The following NIPBL variants were observed in gnomAD, a reference collection of about 807,000 sequenced individuals.
The protein encoded by NIPBL is nipped-B-like protein.
In NIPBL, 19 loss-of-function variants were observed where a neutral mutation model predicts 321.8. The ratio of observed to expected loss-of-function variants is 0.06; its 90% CI spans 0.04 to 0.09. The LOEUF (loss-of-function observed/expected upper bound fraction) is 0.09, where lower values mean the gene tolerates loss of function less well. Among genes scored for constraint, NIPBL ranks in the 10% least tolerant of loss-of-function variants. NIPBL has a pLI of 1.00. For missense variants in NIPBL, 2,210 were observed against 3,327.0 expected, an observed-to-expected ratio of 0.66 and a Z score of 8.26; for synonymous variants, 1,106 against 1,114.1, an observed-to-expected ratio of 0.99 and a Z score of 0.14.
chr5:37,003,531 C>G (rs1221880178), intron 16 of NIPBL, among the ~76,000 whole-genome samples, 184 bp downstream of exon 16: 1 of 152,104 alleles, frequency 6.6e-6, no homozygotes, highest in East Asian at 1.9e-4. Context: ...TTAATCTCTT[C>G]CCATGCCTAA....
chr5:37,013,588 G>T (rs1748521772), intron 21 of NIPBL, among the ~76,000 whole-genome samples: 1 of 151,574 alleles, frequency 6.6e-6, no homozygotes, highest in African/African-American at 2.4e-5. Flanking sequence ...GGGCAGAGGT[G>T]CTCCCCACAT....
chr5:36,957,269 G>A (rs1741071512), intron 3 of NIPBL, among the ~76,000 whole-genome samples: 1 of 152,052 alleles, frequency 6.6e-6, no homozygotes, highest in South Asian at 2.1e-4. Flanking sequence ...TTTGGTTTCC[G>A]CTTTTCCCGC....
At chr5:37,000,260 C>A in intron 11 of NIPBL, 113 bp from the exon 12 acceptor site, 1 of 992,236 alleles carries the variant, frequency 1.0e-6, no homozygotes, top group Non-Finnish European at 1.5e-6. Flanking sequence ...CACTGAATTT[C>A]CTAGACCCTA....
At chr5:36,957,984 A>C (rs1741167822) in intron 3 of NIPBL, 120 bp from the exon 4 acceptor site, 1 of 52,274 alleles carries the variant, frequency 1.9e-5, no homozygotes, top group Non-Finnish European at 2.8e-5. Context: ...ACTTCGTCTC[A>C]AAAAAAAAAA....
intron 40 of NIPBL, among the ~76,000 whole-genome samples, chr5:37,050,007 T>C (rs866427174): frequency 1.3e-5 from 2 of 152,194 alleles, no homozygotes; most frequent in South Asian, 4.1e-4. Flanking sequence ...CAAAACATGT[T>C]AACAAATATT....
chr5:36,972,800 A>T lies in NIPBL; in HGVS notation c.868+759A>T, dbSNP rs181519565. Among the ~76,000 whole-genome samples the T allele has an allele frequency of 1.9e-3, 210 of 112,556 alleles. 2 individuals are homozygous for T. The highest frequency in any genetic ancestry group is 8.9e-3 in the African/African-American group (178 of 20,012). 73.8% of individuals were successfully genotyped at this position (112,556 alleles called of 152,430 possible). A position where few individuals can be genotyped will look rare whatever the true frequency, so the allele number is the denominator to read the frequency against. ...TTTTCAACTATTTAGTCATTTATCAAATCTAACCTGTTCTGTTAATTTTTA... is the reference window on the plus strand; with the variant it reads ...TTTTCAACTATTTAGTCATTTATCATATCTAACCTGTTCTGTTAATTTTTA... On this transcript the variant is annotated intron_variant, in intron 8 of 46. Transcript: ENST00000282516.
chr5:36,958,692 A>G lies in NIPBL; in HGVS notation c.358+461A>G, dbSNP rs368046514. 1.8e-3 allele frequency among the ~76,000 whole-genome samples: 276 copies of G among 152,232 alleles called. 1 individual carries two copies. The highest frequency in any genetic ancestry group is 6.5e-3 in the African/African-American group (269 of 41,540). On this transcript the variant is annotated intron_variant, in intron 4 of 46. Transcript: ENST00000282516. ...TTGGTTAAGTATTATTATTAAAGAA[A>G]AATTGATTCATGGTATTATAAAATA...
At chr5:37,053,855 T>G (rs1753816901) in intron 42 of NIPBL, among the ~76,000 whole-genome samples, 1 of 152,192 alleles carries the variant, frequency 6.6e-6, no homozygotes, top group African/African-American at 2.4e-5. Flanking sequence ...CAGATATGGT[T>G]TCTGCCCACA....
rs1420765743 is a variant in NIPBL at position 37,063,959 on chromosome 5, G to A, written c.8030G>A (p.Arg2677Lys). 1 of 1,614,070 alleles carries A rather than the reference G, an allele frequency of 6.2e-7. No homozygotes were observed. Among genetic ancestry groups the A allele is most frequent in the Admixed American group, 1.7e-5 (1 of 59,992 alleles). ...TEDDESDGED[R>K]GGGTSGSLRR... ...GATGATGAAAGTGATGGGGAGGATAGAGGAGGAGGCACTTCAGGGGTGAGG... is the reference window on the plus strand; with the variant it reads ...GATGATGAAAGTGATGGGGAGGATAAAGGAGGAGGCACTTCAGGGGTGAGG... Residue 2677 changes from arginine to lysine, a missense_variant, in exon 46 of 47, where the codon AGA becomes AAA. By Grantham distance (26) the Arg-to-Lys change is conservative. Coordinates refer to ENST00000282516, the MANE Select transcript of NIPBL (RefSeq NM_133433.4).
rs141987298 is a variant in NIPBL, at chr5:37,020,971, A to G, written c.5328+94A>G. 6.2e-3 allele frequency: 5,600 copies of G among 908,834 alleles called. 27 individuals carry two copies. Among genetic ancestry groups the G allele is most frequent in the Middle Eastern group, 8.9e-3 (42 of 4,714 alleles). 56.3% of individuals were successfully genotyped at this position (908,834 alleles called of 1,614,324 possible). A position where few individuals can be genotyped will look rare whatever the true frequency, so the allele number is the denominator to read the frequency against. ...TATAATATCATTCATTGTTGAGTAC[A>G]GATACTTAAAAGATCATAGATGTAG... On this transcript the variant is annotated intron_variant, in intron 27 of 46. Transcript: ENST00000282516.
intron 9 of NIPBL, chr5:36,982,331 G>A (rs986480888): frequency 7.5e-6 from 3 of 398,154 alleles, no homozygotes; most frequent in Non-Finnish European, 3.4e-6. Flanking sequence ...GTGGACAAAA[G>A]TGACCTGTAC....
intron 1 of NIPBL, among the ~76,000 whole-genome samples, chr5:36,936,175 GGTTT>G (rs1213916749): frequency 6.6e-6 from 1 of 151,936 alleles, no homozygotes; most frequent in Non-Finnish European, 1.5e-5. Flanking sequence ...TATATAGTTG[GGTTT>G]GTTTGTTGCT....
intron 26 of NIPBL, 27 bp downstream of exon 26, chr5:37,020,700 CA>C: frequency 3.1e-6 from 5 of 1,602,134 alleles, no homozygotes; most frequent in Non-Finnish European, 4.3e-6. Flanking sequence ...AAACAGTTTA[CA>C]TTTATCTCCT....
chr5:37,006,215 G>C lies in NIPBL; in HGVS notation c.3856-142G>C. On this transcript the variant is annotated intron_variant, in intron 16 of 46. Transcript: ENST00000282516. ...CGTGCTCAAAGTAGTATCAGTATTT[G>C]TACCTCATTCTGGATATTCTTAAAA... 4.6e-6 allele frequency: 3 copies of C among 652,856 alleles called. No individual in the cohort carries two copies. In the South Asian group the frequency reaches 5.4e-5, roughly 12 times the overall value. The allele number at this position is 652,856 out of a possible 1,614,324, so 40.4% of individuals were successfully genotyped here.
rs190475526 is a variant in NIPBL at position 37,028,134 on chromosome 5, G to T, written c.5862+722G>T. ...TACAGAGTCAAACCACAACTAGTGG[G>T]TTTTTTTTAAGTTTCATAAATAGAA... On this transcript the variant is annotated intron_variant, in intron 32 of 46. Transcript: ENST00000282516. Among the ~76,000 whole-genome samples the T allele has an allele frequency of 2.3e-3, 351 of 151,330 alleles. 2 individuals carry two copies. The highest frequency in any genetic ancestry group is 8.3e-3 in the African/African-American group (342 of 41,240).
At chr5:36,927,332 A>G (rs182149650) in intron 1 of NIPBL, among the ~76,000 whole-genome samples, 1 of 152,308 alleles carries the variant, frequency 6.6e-6, no homozygotes, top group Non-Finnish European at 1.5e-5. Flanking sequence ...TGTTATTCAT[A>G]TTCTAAACTT....
At chr5:36,895,336 T>C (rs1305402345) in intron 1 of NIPBL, among the ~76,000 whole-genome samples, 1 of 152,252 alleles carries the variant, frequency 6.6e-6, no homozygotes, top group Non-Finnish European at 1.5e-5. Flanking sequence ...CTCCATTGTA[T>C]GGATATACCA....
In NIPBL at chr5:36,996,329, G is replaced by A. The variant is rs1273702495; in HGVS notation, c.3304+525G>A. 4 of 434,160 alleles carry A rather than the reference G, an allele frequency of 9.2e-6. No homozygotes were observed. Among genetic ancestry groups the A allele is most frequent in the Non-Finnish European group, 1.9e-5 (4 of 215,630 alleles). 26.9% of individuals were successfully genotyped at this position (434,160 alleles called of 1,614,324 possible). A position where few individuals can be genotyped will look rare whatever the true frequency, so the allele number is the denominator to read the frequency against. ...TTGAAGGACACGTAGGAGATAGCCA[G>A]ATGAAGAAATATTTAAAACCATACT... On this transcript the variant is annotated intron_variant, in intron 11 of 46. Coordinates refer to ENST00000282516, the MANE Select transcript of NIPBL (RefSeq NM_133433.4). The surrounding 1 kb of genome is among the most constrained non-coding windows in gnomAD (Gnocchi z 5.0).
intron 1 of NIPBL, among the ~76,000 whole-genome samples, chr5:36,918,557 C>CT (rs1412437112): frequency 1.3e-5 from 2 of 152,100 alleles, no homozygotes; most frequent in African/African-American, 2.4e-5. Flanking sequence ...ACTTCCAACA[C>CT]TATGTTGAAT....
Sources: gnomAD v4.1 joint callset for allele counts (sites outside exome capture counted in the v4.1 genomes callset) on GRCh38, gnomAD v4.1.1 for gene constraint, Gnocchi (gnomAD v3.1) non-coding constraint, MANE v1.5 for transcripts, NCBI Gene and HGNC (gene_info 2026-07-23, HGNC 2026-07-21) for gene names.